Variants in FAM222B observed in about 807,000 individuals in gnomAD.
FAM222B encodes the protein protein FAM222B.
FAM222B carries 12 observed loss-of-function variants against 38.0 expected under a neutral mutation model. That is an observed-to-expected ratio of 0.32 (90% CI 0.20 to 0.51). The LOEUF is 0.51. Ranked by LOEUF, FAM222B falls within the 20% of genes least tolerant of loss-of-function variation. The pLI, the probability that FAM222B is intolerant of heterozygous loss-of-function variation, is 0.97. For missense variants in FAM222B, 716 were observed against 754.2 expected, an observed-to-expected ratio of 0.95 and a Z score of 0.59; for synonymous variants, 329 against 317.2, an observed-to-expected ratio of 1.04 and a Z score of -0.40.
At chr17:28,842,397 G>A (rs2039074466) in intron 1 of FAM222B, among the ~76,000 whole-genome samples, 1 of 152,064 alleles carries the variant, frequency 6.6e-6, no homozygotes, top group South Asian at 2.1e-4. Flanking sequence ...TTCTCTGAAA[G>A]AAGCGGAAAG....
At chr17:28,840,692 C>CACGCCTGTA (rs1567909425) in intron 1 of FAM222B, among the ~76,000 whole-genome samples, 1 of 151,868 alleles carries the variant, frequency 6.6e-6, no homozygotes, top group Non-Finnish European at 1.5e-5. Flanking sequence ...CACGGTGGTT[C>CACGCCTGTA]ACGCCTGTAA....
chr17:28,813,499 A>G (rs2037894286), intron 1 of FAM222B, among the ~76,000 whole-genome samples: 1 of 151,840 alleles, frequency 6.6e-6, no homozygotes, highest in South Asian at 2.1e-4. Context: ...TGTCAATGTT[A>G]CTTTCCTGAT....
intron 1 of FAM222B, chr17:28,777,272 G>C (rs991252826): frequency 1.3e-5 from 2 of 152,136 alleles, no homozygotes; most frequent in Non-Finnish European, 2.9e-5. Context: ...CAAGGCATTT[G>C]GAAACCTGCT....
intron 1 of FAM222B, among the ~76,000 whole-genome samples, chr17:28,841,281 G>A (rs2039029354): frequency 6.6e-6 from 1 of 152,158 alleles, no homozygotes; most frequent in African/African-American, 2.4e-5. Context: ...GCGACAGAGC[G>A]AGACTCCGTC....
chr17:28,826,478 C>T (rs572888772), intron 1 of FAM222B, among the ~76,000 whole-genome samples: 15 of 151,494 alleles, frequency 9.9e-5, no homozygotes, highest in African/African-American at 2.9e-4. Context: ...GTCAGGAGTT[C>T]ATGACCAGCC....
chr17:28,779,392 A>G (rs2036059220), intron 1 of FAM222B, among the ~76,000 whole-genome samples: 1 of 152,172 alleles, frequency 6.6e-6, no homozygotes, highest in Non-Finnish European at 1.5e-5. Context: ...CAAATCTATA[A>G]ATGTGATAAA....
intron 1 of FAM222B, among the ~76,000 whole-genome samples, chr17:28,818,061 C>T (rs1324128992): frequency 6.6e-6 from 1 of 152,010 alleles, no homozygotes; most frequent in Non-Finnish European, 1.5e-5. Context: ...CTATTGCATG[C>T]AGTTTAAAAG....
chr17:28,848,181 A>G (rs1209832990), intron 1 of FAM222B, among the ~76,000 whole-genome samples: 1 of 152,086 alleles, frequency 6.6e-6, no homozygotes, highest in African/African-American at 2.4e-5. Context: ...GCAGCTCCAG[A>G]TATTATGTCT....
At chr17:28,798,022 A>C (rs554636263) in intron 1 of FAM222B, among the ~76,000 whole-genome samples, 1 of 151,874 alleles carries the variant, frequency 6.6e-6, no homozygotes, top group African/African-American at 2.4e-5. Context: ...GTGCCATTAC[A>C]CTCCAGCCTG....
At chr17:28,791,120 C>T (rs1416487041) in intron 1 of FAM222B, among the ~76,000 whole-genome samples, 2 of 151,484 alleles carry the variant, frequency 1.3e-5, no homozygotes, top group Non-Finnish European at 2.9e-5. Flanking sequence ...CTGGGCTAGC[C>T]AGGATGGTCT....
chr17:28,772,570 ATAC>A (rs1567809203), intron 1 of FAM222B, among the ~76,000 whole-genome samples: 2 of 122,642 alleles, frequency 1.6e-5, no homozygotes, highest in African/African-American at 3.5e-5. Flanking sequence ...TAAAAAAAAA[ATAC>A]AAAAAAAAAA....
chr17:28,792,689 G>A (rs568700307), intron 1 of FAM222B, among the ~76,000 whole-genome samples: 5 of 150,866 alleles, frequency 3.3e-5, no homozygotes, highest in African/African-American at 7.3e-5. Flanking sequence ...GCCAAGGCAC[G>A]AGAACTGCTT....
chr17:28,844,039 C>A (rs1344459994), upstream of FAM222B, among the ~76,000 whole-genome samples: 1 of 152,174 alleles, frequency 6.6e-6, no homozygotes, highest in Non-Finnish European at 1.5e-5. Flanking sequence ...GTGAGCCTGG[C>A]CCTTTTTCAA....
chr17:28,803,973 C>G (rs4795462), intron 1 of FAM222B, among the ~76,000 whole-genome samples: 3,183 of 151,340 alleles, frequency 0.021, 111 homozygotes, highest in African/African-American at 0.073. Flanking sequence ...AGAGCAAGAC[C>G]ACGTCTCAAA....
chr17:28,807,169 C>T (rs1442361975), intron 1 of FAM222B, among the ~76,000 whole-genome samples: 1 of 151,856 alleles, frequency 6.6e-6, no homozygotes, highest in Non-Finnish European at 1.5e-5. Context: ...GCACGCACCA[C>T]CACACCCAGC....
At chr17:28,823,005 A>C (rs967072090) in intron 1 of FAM222B, among the ~76,000 whole-genome samples, 1 of 109,830 alleles carries the variant, frequency 9.1e-6, no homozygotes, top group Non-Finnish European at 2.0e-5. Flanking sequence ...GCAGTGAGCC[A>C]AGATCACGCC....
At chr17:28,789,079 C>CAAAAAAAAAAAA (rs397857027) in intron 1 of FAM222B, among the ~76,000 whole-genome samples, 1 of 63,462 alleles carries the variant, frequency 1.6e-5, no homozygotes, top group Non-Finnish European at 3.0e-5. Flanking sequence ...AAAGATACCT[C>CAAAAAAAAAAAA]AAAAAAAAAA....
At position 28,795,961 on chromosome 17, in the gene FAM222B, A is replaced by G. The variant is rs1464123355; in HGVS notation, c.-40-29254T>C. Among the ~76,000 whole-genome samples the G allele has an allele frequency of 3.3e-5, 5 of 152,182 alleles. No individual in the cohort carries two copies. In the East Asian group the frequency reaches 9.6e-4, roughly 29 times the overall value. On this transcript the variant is annotated intron_variant, in intron 1 of 2. Transcript: ENST00000581407. ...CCATTAAGACTGCTCCTAATAGATT[A>G]TTTTAAAATATGATCCTATAAGTCT...
chr17:28,787,843 T>TTTTTG (rs1555574961), intron 1 of FAM222B, among the ~76,000 whole-genome samples: 1 of 150,996 alleles, frequency 6.6e-6, no homozygotes, highest in African/African-American at 2.4e-5. Context: ...TTTTTTTTTT[T>TTTTTG]GAGACGGAGT....
Sources: gnomAD v4.1 joint callset for allele counts (sites outside exome capture counted in the v4.1 genomes callset) on GRCh38, gnomAD v4.1.1 for gene constraint, MANE v1.5 for transcripts, NCBI Gene and HGNC (gene_info 2026-07-23, HGNC 2026-07-21) for gene names.